Variants in CDH19 observed in about 807,000 individuals in gnomAD.
CDH19 encodes cadherin 19, also known as cadherin-19.
In CDH19, 67 loss-of-function variants were observed where a neutral mutation model predicts 64.2. That is an observed-to-expected ratio of 1.04 (90% CI 0.86 to 1.28). The LOEUF (loss-of-function observed/expected upper bound fraction) is 1.28. Ranked by LOEUF, CDH19 falls within the 50% of genes most tolerant of loss-of-function variation. The pLI is 0.00. For synonymous variants in CDH19, 346 were observed against 319.3 expected, an observed-to-expected ratio of 1.08 and a Z score of -0.89; for missense variants, 1,030 against 929.0, an observed-to-expected ratio of 1.11 and a Z score of -1.41.
intron 10 of CDH19, among the ~76,000 whole-genome samples, chr18:66,509,604 G>A (rs1985373538): frequency 6.6e-6 from 1 of 151,638 alleles, no homozygotes; most frequent in African/African-American, 2.4e-5. Flanking sequence ...AAACATACGT[G>A]TAACACAGAA....
intron 7 of CDH19, among the ~76,000 whole-genome samples, chr18:66,536,390 A>AT (rs1193072232): frequency 2.6e-5 from 4 of 151,780 alleles, no homozygotes; most frequent in Non-Finnish European, 4.4e-5. Flanking sequence ...ATTTATAAGT[A>AT]TTTTCCCTAA....
At chr18:66,526,999 T>A (rs556422566) in intron 9 of CDH19, among the ~76,000 whole-genome samples, 1 of 151,608 alleles carries the variant, frequency 6.6e-6, no homozygotes, top group Admixed American at 6.6e-5. Flanking sequence ...AGGGATAGTT[T>A]CCAAGAATTA....
chr18:66,535,877 C>T (rs1986648093), intron 7 of CDH19, among the ~76,000 whole-genome samples: 1 of 146,014 alleles, frequency 6.8e-6, no homozygotes. Flanking sequence ...TGATATATTA[C>T]ATCACATGTA....
At chr18:66,571,012 C>T (rs1568203479) in intron 2 of CDH19, among the ~76,000 whole-genome samples, 1 of 151,568 alleles carries the variant, frequency 6.6e-6, no homozygotes, top group East Asian at 1.9e-4. Flanking sequence ...CTTCTTAGTG[C>T]CAACTGTGCG....
chr18:66,567,811 G>A (rs768013591), intron 3 of CDH19, among the ~76,000 whole-genome samples: 1 of 151,706 alleles, frequency 6.6e-6, no homozygotes, highest in Non-Finnish European at 1.5e-5. Context: ...CCCTTTACTG[G>A]AAAGACATTT....
chr18:66,569,114 T>G (rs183714606), intron 2 of CDH19, among the ~76,000 whole-genome samples: 13 of 151,734 alleles, frequency 8.6e-5, no homozygotes, highest in African/African-American at 3.1e-4. Flanking sequence ...ATTTAAACAC[T>G]GATGTTCTAT....
intron 3 of CDH19, among the ~76,000 whole-genome samples, chr18:66,557,059 C>A (rs1055621513): frequency 6.6e-6 from 1 of 151,940 alleles, no homozygotes; most frequent in Non-Finnish European, 1.5e-5. Context: ...AATCCCACTA[C>A]TGGGTATTTA....
At chr18:66,514,960 A>G (rs918008705) in intron 9 of CDH19, among the ~76,000 whole-genome samples, 5 of 151,702 alleles carry the variant, frequency 3.3e-5, no homozygotes, top group African/African-American at 7.2e-5. Context: ...GCAAGTCACA[A>G]TGAAACCTAC....
intron 7 of CDH19, among the ~76,000 whole-genome samples, chr18:66,538,738 G>C (rs930566415): frequency 2.2e-4 from 33 of 152,208 alleles, no homozygotes; most frequent in African/African-American, 7.7e-4. Context: ...TTCCTTTGAA[G>C]CCTGTAGGGG....
intron 9 of CDH19, among the ~76,000 whole-genome samples, chr18:66,512,858 T>C (rs1396979961): frequency 6.6e-6 from 1 of 151,442 alleles, no homozygotes; most frequent in Non-Finnish European, 1.5e-5. Context: ...TTTAGAAGTT[T>C]TTAACCTTGA....
chr18:66,533,478 C>T (rs1425735668), intron 8 of CDH19, among the ~76,000 whole-genome samples: 1 of 151,948 alleles, frequency 6.6e-6, no homozygotes, highest in Non-Finnish European at 1.5e-5. Context: ...TAATGTAATT[C>T]AGTTGTGAAT....
chr18:66,595,020 T>C (rs1349670636), intron 1 of CDH19, among the ~76,000 whole-genome samples: 3 of 131,768 alleles, frequency 2.3e-5, no homozygotes, highest in African/African-American at 7.5e-5. Context: ...ATAAATAAAA[T>C]TAAATTAAAA....
intron 3 of CDH19, among the ~76,000 whole-genome samples, chr18:66,561,118 G>C (rs1449929993): frequency 6.6e-6 from 1 of 151,582 alleles, no homozygotes; most frequent in African/African-American, 2.4e-5. Flanking sequence ...TATATCTTAA[G>C]AGAAGTCTAT....
In CDH19 at chr18:66,568,584, C is replaced by G; in HGVS notation, c.322G>C (p.Glu108Gln). ...CTTAAGATGTAGAGGGATCGCTCCT[C>G]TCTATCAAGCTTCTGTATGGCATAT... ...DIYAIQKLDR[E>Q]ERSLYILRAQ... The change falls in exon 3 of 12, where the codon GAG becomes CAG. Residue 108 changes from glutamate (E) to glutamine (Q), a missense_variant. Transcript: ENST00000262150. 1 of 1,612,208 alleles carries G rather than the reference C, an allele frequency of 6.2e-7. No individual in the cohort carries two copies. The highest frequency in any genetic ancestry group is 8.5e-7 in the Non-Finnish European group (1 of 1,178,872).
chr18:66,558,368 C>A (rs1987598783), intron 3 of CDH19, among the ~76,000 whole-genome samples: 1 of 151,438 alleles, frequency 6.6e-6, no homozygotes, highest in South Asian at 2.1e-4. Flanking sequence ...TTTCTACTTT[C>A]TTTTCCCTCT....
intron 1 of CDH19, among the ~76,000 whole-genome samples, chr18:66,594,789 G>C (rs1241080042): frequency 1.4e-5 from 2 of 144,520 alleles, no homozygotes; most frequent in Non-Finnish European, 1.5e-5. Context: ...CTCACTCATA[G>C]GTGGGAATTG....
chr18:66,598,530 G>A (rs1885987133), intron 1 of CDH19, among the ~76,000 whole-genome samples: 1 of 152,036 alleles, frequency 6.6e-6, no homozygotes, highest in Non-Finnish European at 1.5e-5. Context: ...CATGTCCTTT[G>A]CCCCAATAGG....
At chr18:66,578,541 A>G (rs901121076) in intron 1 of CDH19, among the ~76,000 whole-genome samples, 11 of 151,914 alleles carry the variant, frequency 7.2e-5, no homozygotes, top group African/African-American at 1.9e-4. Context: ...GTAAAATCGC[A>G]TGACTATTTA....
At chr18:66,512,050 C>T (rs1358476550) in intron 9 of CDH19, among the ~76,000 whole-genome samples, 4 of 151,448 alleles carry the variant, frequency 2.6e-5, no homozygotes, top group Non-Finnish European at 5.9e-5. Flanking sequence ...GAATGTCAGA[C>T]ATTATGATTT....
Sources: gnomAD v4.1 joint callset for allele counts (sites outside exome capture counted in the v4.1 genomes callset) on GRCh38, gnomAD v4.1.1 for gene constraint, MANE v1.5 for transcripts, NCBI Gene and HGNC (gene_info 2026-07-23, HGNC 2026-07-21) for gene names.